The following EPM2A variants were observed in gnomAD, a reference collection of about 807,000 sequenced individuals.
The protein encoded by EPM2A is EPM2A glucan phosphatase, laforin, also known as laforin.
A neutral mutation model predicts 26.5 loss-of-function variants in EPM2A; 21 were observed. The observed-to-expected ratio is 0.79, with a 90% CI of 0.56 to 1.14. The LOEUF (loss-of-function observed/expected upper bound fraction) is 1.14, where lower values mean the gene tolerates loss of function less well. Ranked by LOEUF, EPM2A falls within the 50% of genes most tolerant of loss-of-function variation. EPM2A has a pLI of 0.00. For missense variants in EPM2A, 458 were observed against 440.8 expected (o/e 1.04, Z -0.35); for synonymous variants, 217 against 177.6 (o/e 1.22, Z -1.76).
At chr6:145,475,802 A>G (rs1349694096) in intron 4 of EPM2A, among the ~76,000 whole-genome samples, 2 of 152,112 alleles carry the variant, frequency 1.3e-5, no homozygotes, top group African/African-American at 4.8e-5. Context: ...ATGGATACAC[A>G]CACACACAAA....
intron 2 of EPM2A, among the ~76,000 whole-genome samples, chr6:145,683,460 C>T (rs1249494582): frequency 6.6e-6 from 1 of 151,474 alleles, no homozygotes; most frequent in African/African-American, 2.4e-5. Context: ...CAGTGGATAA[C>T]AGGTTGAATT....
At chr6:145,442,077 A>G (rs1049454724) in intron 4 of EPM2A, among the ~76,000 whole-genome samples, 2 of 152,148 alleles carry the variant, frequency 1.3e-5, no homozygotes, top group Non-Finnish European at 2.9e-5. Flanking sequence ...CTCGTTCCCA[A>G]CAAGTTCCTC....
intron 4 of EPM2A, chr6:145,491,012 A>G: frequency 1.1e-6 from 1 of 920,244 alleles, no homozygotes. Context: ...TTGTGCCTTC[A>G]GCAATCTCTA....
At chr6:145,525,766 A>G (rs1266977698) in intron 2 of EPM2A, among the ~76,000 whole-genome samples, 2 of 152,038 alleles carry the variant, frequency 1.3e-5, no homozygotes, top group Non-Finnish European at 2.9e-5. Flanking sequence ...CTTATTTCCT[A>G]TTTGGATACC....
intron 4 of EPM2A, chr6:145,490,957 G>T: frequency 1.2e-6 from 1 of 842,510 alleles, no homozygotes; most frequent in Non-Finnish European, 1.9e-6. Flanking sequence ...ATGCTTGGCA[G>T]AATCCACTTC....
rs867114380 is a variant in EPM2A, at chr6:145,664,277, G to T, written c.476+21845C>A. Reference sequence around the variant, plus strand: ...TGTATTCAGGAAACCCATCTCACGTGCAGAGACACACATAGGCTCAAAATA... The same window carrying T: ...TGTATTCAGGAAACCCATCTCACGTTCAGAGACACACATAGGCTCAAAATA... On this transcript the variant is annotated intron_variant, in intron 2 of 3. Transcript: ENST00000367519. 2.2e-5 allele frequency among the ~76,000 whole-genome samples: 2 copies of T among 89,670 alleles called. 1 individual carries two copies. Among genetic ancestry groups the T allele is most frequent in the Non-Finnish European group, 4.5e-5 (2 of 44,724 alleles). The allele number at this position is 89,670 out of a possible 152,430, so 58.8% of individuals were successfully genotyped here. A position where few individuals can be genotyped will look rare whatever the true frequency, so the allele number is the denominator to read the frequency against.
intron 1 of EPM2A, among the ~76,000 whole-genome samples, chr6:145,727,955 T>G (rs1309232836): frequency 6.6e-6 from 1 of 152,164 alleles, no homozygotes; most frequent in African/African-American, 2.4e-5. Context: ...TCCTTGCTGT[T>G]CTTGTGAAAG....
At chr6:145,597,467 A>ATTTAT (rs1781361700) in intron 2 of EPM2A, among the ~76,000 whole-genome samples, 1 of 140,060 alleles carries the variant, frequency 7.1e-6, no homozygotes, top group Non-Finnish European at 1.6e-5. Context: ...TGACCTGTTT[A>ATTTAT]TTTTTTTTTC....
intron 2 of EPM2A, among the ~76,000 whole-genome samples, chr6:145,512,311 A>G (rs928034662): frequency 1.2e-4 from 19 of 152,208 alleles, no homozygotes; most frequent in African/African-American, 4.6e-4. Flanking sequence ...AGCATAAAGA[A>G]CAAATCTGAA....
At chr6:145,587,508 C>A (rs1781213329) in intron 2 of EPM2A, among the ~76,000 whole-genome samples, 1 of 152,108 alleles carries the variant, frequency 6.6e-6, no homozygotes, top group Non-Finnish European at 1.5e-5. Context: ...ATTCTCTGCC[C>A]AGACTGCTGT....
rs9485009 is a variant in EPM2A, at chr6:145,595,399, G to A, written c.340+39846C>T. ...ATAGGAATAGATATTTCTACTATGTGCTATCTTTTACTTAAAAAAAAAAAA... is the reference window on the plus strand; with the variant it reads ...ATAGGAATAGATATTTCTACTATGTACTATCTTTTACTTAAAAAAAAAAAA... On this transcript the variant is annotated intron_variant, in intron 2 of 3. Coordinates refer to the EPM2A transcript ENST00000450221. Among the ~76,000 whole-genome samples the A allele has an allele frequency of 5.2e-3, 792 of 150,904 alleles. 4 individuals are homozygous for A. Among genetic ancestry groups the A allele is most frequent in the African/African-American group, 0.018 (757 of 41,120 alleles).
intron 2 of EPM2A, among the ~76,000 whole-genome samples, chr6:145,615,447 T>A (rs1381260068): frequency 1.3e-5 from 2 of 152,102 alleles, no homozygotes; most frequent in Non-Finnish European, 2.9e-5. Context: ...ATGTCTTTAT[T>A]AACAGCACGA....
At chr6:145,658,901 C>T (rs1778484710) in intron 2 of EPM2A, among the ~76,000 whole-genome samples, 2 of 151,878 alleles carry the variant, frequency 1.3e-5, no homozygotes, top group African/African-American at 4.8e-5. Flanking sequence ...GTTCCTTAGG[C>T]TTAGATACTT....
At chr6:145,612,653 C>T (rs1044206421) in intron 2 of EPM2A, among the ~76,000 whole-genome samples, 48 of 149,810 alleles carry the variant, frequency 3.2e-4, no homozygotes, top group Non-Finnish European at 6.1e-4. Flanking sequence ...TTTTTCATTT[C>T]TCAATGCTTA....
At chr6:145,633,842 T>G (rs1776445962) in intron 3 of EPM2A, 1 of 152,210 alleles carries the variant, frequency 6.6e-6, no homozygotes, top group African/African-American at 2.4e-5. Flanking sequence ...GCTTCATAGC[T>G]GGTAAAGTTG....
intron 1 of EPM2A, among the ~76,000 whole-genome samples, chr6:145,691,536 G>A (rs908425549): frequency 3.9e-5 from 6 of 152,026 alleles, no homozygotes; most frequent in Non-Finnish European, 8.8e-5. Flanking sequence ...AATGAGCACA[G>A]TAAACAAAAT....
intron 2 of EPM2A, among the ~76,000 whole-genome samples, chr6:145,507,444 T>A (rs942407007): frequency 6.6e-6 from 1 of 152,176 alleles, no homozygotes; most frequent in East Asian, 1.9e-4. Context: ...CCTTGGTGAT[T>A]CACCTTTCCA....
intron 2 of EPM2A, among the ~76,000 whole-genome samples, chr6:145,567,401 GTTTC>G (rs1221816068): frequency 6.6e-6 from 1 of 152,108 alleles, no homozygotes; most frequent in East Asian, 1.9e-4. Context: ...AACAACAAAA[GTTTC>G]TTTCTTGCTC....
At chr6:145,510,377 A>G (rs1780038754) in intron 2 of EPM2A, among the ~76,000 whole-genome samples, 1 of 152,184 alleles carries the variant, frequency 6.6e-6, no homozygotes, top group South Asian at 2.1e-4. Flanking sequence ...AAACATCACA[A>G]TGATACCAGC....
Sources: gnomAD v4.1 joint callset for allele counts (sites outside exome capture counted in the v4.1 genomes callset) on GRCh38, gnomAD v4.1.1 for gene constraint, MANE v1.5 for transcripts, NCBI Gene and HGNC (gene_info 2026-07-23, HGNC 2026-07-21) for gene names.